CNTNAP5: variants seen among roughly 807,000 people sequenced by gnomAD.
CNTNAP5 encodes contactin associated protein family member 5, also known as contactin-associated protein-like 5.
CNTNAP5 carries 72 observed loss-of-function variants against 150.2 expected under a neutral mutation model. That is an observed-to-expected ratio of 0.48 (90% CI 0.40 to 0.58). The LOEUF (loss-of-function observed/expected upper bound fraction) is 0.58. CNTNAP5 is among the 20% of genes least tolerant of loss of function. CNTNAP5 has a pLI of 0.00. For missense variants in CNTNAP5, 1,636 were observed against 1,626.2 expected (o/e 1.01, Z -0.10); for synonymous variants, 672 against 619.8 (o/e 1.08, Z -1.25).
chr2:124,452,269 G>A (rs888705884), intron 6 of CNTNAP5, among the ~76,000 whole-genome samples: 13 of 151,970 alleles, frequency 8.6e-5, no homozygotes, highest in South Asian at 2.1e-4. Flanking sequence ...GTGACTGCCC[G>A]CTTTGCCCAC....
intron 1 of CNTNAP5, among the ~76,000 whole-genome samples, chr2:124,049,360 G>A (rs1257375386): frequency 1.3e-5 from 2 of 152,198 alleles, no homozygotes; most frequent in African/African-American, 4.8e-5. Flanking sequence ...ACATGCAGAG[G>A]TGGCAGTAGT....
At chr2:124,133,624 G>A (rs1683911663) in intron 1 of CNTNAP5, among the ~76,000 whole-genome samples, 1 of 152,126 alleles carries the variant, frequency 6.6e-6, no homozygotes, top group Admixed American at 6.5e-5. Context: ...TGCTCTCTTT[G>A]TGTCTCTTCT....
intron 3 of CNTNAP5, among the ~76,000 whole-genome samples, chr2:124,365,590 A>G (rs1273191964): frequency 1.3e-5 from 2 of 152,176 alleles, no homozygotes; most frequent in African/African-American, 4.8e-5. Flanking sequence ...TAGTAACACC[A>G]TTGGGAAGCA....
rs1031254639 is a variant in CNTNAP5 at position 124,408,818 on chromosome 2, A to C, written c.382-8625A>C. Among the ~76,000 whole-genome samples the C allele has an allele frequency of 7.7e-4, 117 of 152,132 alleles. 2 individuals carry two copies. Among genetic ancestry groups the C allele is most frequent in the Non-Finnish European group, 1.3e-4 (9 of 68,020 alleles). On this transcript the variant is annotated intron_variant, in intron 3 of 23. Transcript: ENST00000682447. Reference sequence around the variant, plus strand: ...GAACAGAAAATCTGGAAACTCTAAAATGCAGAGCTCCTCTCCTCCTCCAAA... The same window carrying C: ...GAACAGAAAATCTGGAAACTCTAAACTGCAGAGCTCCTCTCCTCCTCCAAA...
At chr2:124,883,479 A>T (rs1678011128) in intron 21 of CNTNAP5, among the ~76,000 whole-genome samples, 2 of 152,038 alleles carry the variant, frequency 1.3e-5, no homozygotes, top group African/African-American at 4.8e-5. Flanking sequence ...TTCTCAAAAC[A>T]TGAGTGAAAC....
chr2:124,601,678 A>G (rs1696987772), intron 11 of CNTNAP5, among the ~76,000 whole-genome samples: 1 of 115,550 alleles, frequency 8.7e-6, no homozygotes, highest in Non-Finnish European at 1.9e-5. Flanking sequence ...TATTAGAGAA[A>G]ATAATATTCA....
intron 1 of CNTNAP5, among the ~76,000 whole-genome samples, chr2:124,082,803 T>G (rs1682590429): frequency 6.6e-6 from 1 of 152,088 alleles, no homozygotes; most frequent in Non-Finnish European, 1.5e-5. Context: ...GGAGAGCATT[T>G]GGTGTTGTCA....
At chr2:124,174,594 TAGACTCTAAAGTGTG>T (rs1558786893) in intron 1 of CNTNAP5, among the ~76,000 whole-genome samples, 1 of 152,198 alleles carries the variant, frequency 6.6e-6, no homozygotes, top group Admixed American at 6.5e-5. Flanking sequence ...AATTTCATGA[TAGACTCTAAAGTGTG>T]AGACGTTGCT....
At chr2:124,877,267 G>A (rs1355631243) in intron 21 of CNTNAP5, among the ~76,000 whole-genome samples, 2 of 152,096 alleles carry the variant, frequency 1.3e-5, no homozygotes, top group African/African-American at 2.4e-5. Flanking sequence ...TCTATGAATA[G>A]CATGCCCTTG....
At chr2:124,527,500 T>A (rs1371696435) in intron 10 of CNTNAP5, 44 bp downstream of exon 10, 1 of 1,480,466 alleles carries the variant, frequency 6.8e-7, no homozygotes, top group Admixed American at 1.9e-5. Flanking sequence ...CCCCTTCCCA[T>A]TCTTACTGTT....
At chr2:124,892,074 A>G (rs1038822617) in intron 21 of CNTNAP5, among the ~76,000 whole-genome samples, 1 of 152,148 alleles carries the variant, frequency 6.6e-6, no homozygotes, top group African/African-American at 2.4e-5. Context: ...TGGGCCTCTG[A>G]TGATCTAGAA....
At chr2:124,490,345 AAAG>A (rs1693989050) in intron 7 of CNTNAP5, among the ~76,000 whole-genome samples, 1 of 150,402 alleles carries the variant, frequency 6.6e-6, no homozygotes, top group African/African-American at 2.5e-5. Flanking sequence ...CAGAAAAAAA[AAAG>A]AAGAAAGAAA....
intron 14 of CNTNAP5, among the ~76,000 whole-genome samples, chr2:124,761,426 A>C (rs992578042): frequency 9.9e-5 from 15 of 152,094 alleles, no homozygotes; most frequent in African/African-American, 2.9e-4. Context: ...TTCCCATTAT[A>C]ATTTTTTAAA....
intron 7 of CNTNAP5, among the ~76,000 whole-genome samples, chr2:124,496,940 C>T (rs1301886375): frequency 6.6e-6 from 1 of 152,132 alleles, no homozygotes. Flanking sequence ...TGTATAACCT[C>T]AGGTCTTTTT....
rs71394030 is a variant in CNTNAP5, at chr2:124,251,292, A to ACC, written c.381+8905_381+8906dup. On this transcript the variant is annotated intron_variant, in intron 3 of 23. Transcript: ENST00000682447. ...TAGGAAAAAGAAACAGTTTTCCCCC[A>ACC]CCCCCCCAAGTATTGGAAGTACAGA... Among the ~76,000 whole-genome samples the ACC allele has an allele frequency of 4.0e-4, 60 of 150,314 alleles. No individual in the cohort carries two copies. The South Asian group carries it at 5.3e-3, about 13-fold the overall frequency.
chr2:124,649,196 G>GA (rs1678267360), intron 13 of CNTNAP5, among the ~76,000 whole-genome samples: 1 of 152,184 alleles, frequency 6.6e-6, no homozygotes, highest in South Asian at 2.1e-4. Flanking sequence ...TCAGCATTGT[G>GA]AAAATCAATT....
At chr2:124,391,217 C>A (rs1691101831) in intron 3 of CNTNAP5, among the ~76,000 whole-genome samples, 1 of 152,070 alleles carries the variant, frequency 6.6e-6, no homozygotes, top group Non-Finnish European at 1.5e-5. Flanking sequence ...ATACCTGTTA[C>A]ATAACAGATA....
At chr2:124,607,476 C>T (rs1558702331) in intron 11 of CNTNAP5, among the ~76,000 whole-genome samples, 1 of 152,096 alleles carries the variant, frequency 6.6e-6, no homozygotes. Context: ...TGGTATCTAC[C>T]ACACTATCAT....
chr2:124,183,633 TA>T (rs1300502091), intron 1 of CNTNAP5, among the ~76,000 whole-genome samples: 2 of 152,208 alleles, frequency 1.3e-5, no homozygotes, highest in Non-Finnish European at 2.9e-5. Context: ...AAAGCACAGT[TA>T]ATATATTTCA....
Sources: allele counts gnomAD v4.1 joint callset (sites outside exome capture counted in the v4.1 genomes callset), GRCh38; gene constraint gnomAD v4.1.1; transcripts MANE v1.5; gene names NCBI Gene and HGNC (gene_info 2026-07-23, HGNC 2026-07-21).